STRN: variants seen among roughly 807,000 people sequenced by gnomAD.
STRN encodes the protein striatin.
In STRN, 53 loss-of-function variants were observed where a neutral mutation model predicts 96.3. The ratio of observed to expected loss-of-function variants is 0.55; its 90% CI spans 0.44 to 0.69. STRN has a LOEUF of 0.69. Among genes scored for constraint, STRN ranks in the 30% least tolerant of loss-of-function variants. The probability of loss-of-function intolerance (pLI) is 0.00; values close to 1 mark genes in which losing one functional copy is unlikely to be tolerated. For missense variants in STRN, 987 were observed against 963.9 expected (o/e 1.02, Z -0.32); for synonymous variants, 428 against 355.9 (o/e 1.20, Z -2.28).
intron 7 of STRN, among the ~76,000 whole-genome samples, chr2:36,891,015 G>T (rs533076465): frequency 4.1e-4 from 63 of 152,116 alleles, no homozygotes; most frequent in African/African-American, 1.4e-3. Context: ...AATTATTTTG[G>T]ATTTTGGAAT....
intron 1 of STRN, 79 bp downstream of exon 1, chr2:36,966,151 G>A: frequency 7.4e-7 from 1 of 1,358,296 alleles, no homozygotes; most frequent in Non-Finnish European, 9.5e-7. Context: ...AAGGCTGGGG[G>A]AGGGGGAGAA....
chr2:36,869,121 A>T (rs1275100055), intron 11 of STRN, among the ~76,000 whole-genome samples: 3 of 152,068 alleles, frequency 2.0e-5, no homozygotes, highest in African/African-American at 7.2e-5. Flanking sequence ...AAGACCCTCC[A>T]CCCATCCCAG....
chr2:36,948,352 G>C (rs778739218), intron 1 of STRN, among the ~76,000 whole-genome samples: 6 of 151,814 alleles, frequency 4.0e-5, no homozygotes, highest in African/African-American at 1.4e-4. Context: ...CGCCCGCCTC[G>C]GCCTCTCAAA....
chr2:36,873,016 T>G (rs938647555), intron 10 of STRN, among the ~76,000 whole-genome samples: 10 of 151,798 alleles, frequency 6.6e-5, no homozygotes, highest in Non-Finnish European at 1.5e-4. Flanking sequence ...TCTGACAGAT[T>G]TGAAGTGTCA....
At chr2:36,903,207 C>T (rs1348205346) in intron 4 of STRN, among the ~76,000 whole-genome samples, 1 of 152,038 alleles carries the variant, frequency 6.6e-6, no homozygotes, top group South Asian at 2.1e-4. Context: ...TCGAGTCACT[C>T]TACAGAATTG....
intron 3 of STRN, among the ~76,000 whole-genome samples, chr2:36,907,346 G>C (rs372914132): frequency 1.3e-5 from 2 of 152,166 alleles, no homozygotes; most frequent in Non-Finnish European, 2.9e-5. Flanking sequence ...TCAGGAGACA[G>C]ACACCAGCCT....
intron 13 of STRN, 94 bp downstream of exon 13, chr2:36,861,038 T>C: frequency 6.9e-7 from 1 of 1,453,218 alleles, no homozygotes; most frequent in Non-Finnish European, 9.2e-7. Flanking sequence ...CTATTTATTT[T>C]CAAAAATCTC....
At position 36,849,806 on chromosome 2, in the gene STRN, GA is replaced by G; in HGVS notation, c.2087-7del. 2 of 1,613,634 alleles carry G rather than the reference GA, an allele frequency of 1.2e-6. No homozygotes were observed. Among genetic ancestry groups the G allele is most frequent in the South Asian group, 1.1e-5 (1 of 91,044 alleles). On this transcript the variant is annotated splice_region_variant and splice_polypyrimidine_tract_variant and intron_variant, in intron 16 of 17. Transcript: ENST00000263918. The stretch of plus-strand genomic sequence containing the variant: ...CATCGAGTGGATCAGTTTGCCTTTG[GA>G]AAAAGAGATTGTTACTCCTTATTAA...
At chr2:36,886,579 G>A (rs1669233609) in intron 8 of STRN, 137 bp downstream of exon 8, 3 of 622,568 alleles carry the variant, frequency 4.8e-6, no homozygotes, top group Admixed American at 3.2e-5. Context: ...TTCAACCCCT[G>A]AGAGCAGGTG....
chr2:36,937,126 C>G (rs1338356985), intron 1 of STRN, among the ~76,000 whole-genome samples: 1 of 151,798 alleles, frequency 6.6e-6, no homozygotes, highest in Admixed American at 6.6e-5. Context: ...GGCAGATCAC[C>G]TGAGGTCGGG....
intron 12 of STRN, 31 bp downstream of exon 12, chr2:36,867,783 G>A (rs768969300): frequency 5.6e-5 from 78 of 1,401,736 alleles, no homozygotes; most frequent in African/African-American, 7.3e-5. Context: ...CAGAGATATC[G>A]GTTTAAAATA....
At chr2:36,909,561 G>C (rs779398122) in intron 3 of STRN, among the ~76,000 whole-genome samples, 1 of 152,068 alleles carries the variant, frequency 6.6e-6, no homozygotes. Flanking sequence ...GATTATCCCA[G>C]ACACCACCTA....
At chr2:36,930,597 G>A (rs1670547384) in intron 1 of STRN, among the ~76,000 whole-genome samples, 1 of 152,066 alleles carries the variant, frequency 6.6e-6, no homozygotes, top group Non-Finnish European at 1.5e-5. Flanking sequence ...TAAGTACCCA[G>A]GTGATAATGC....
At position 36,966,477 on chromosome 2, in the gene STRN, A is replaced by T. The variant is rs1665168958; in HGVS notation, c.-14T>A. On this transcript the variant is annotated 5_prime_UTR_variant, in exon 1 of 18. Transcript: ENST00000263918. ...CTGCTCGTCCATGGCGGCCGCAGATACCCGGGGAGCTGCCCCGGCGCCCAG... is the reference window on the plus strand; with the variant it reads ...CTGCTCGTCCATGGCGGCCGCAGATTCCCGGGGAGCTGCCCCGGCGCCCAG... The T allele has an allele frequency of 7.0e-7, 1 of 1,433,690 alleles. No homozygotes were observed. Among genetic ancestry groups the T allele is most frequent in the East Asian group, 3.1e-5 (1 of 32,432 alleles). The allele number at this position is 1,433,690 out of a possible 1,614,324, so 88.8% of individuals were successfully genotyped here. A position where few individuals can be genotyped will look rare whatever the true frequency, so the allele number is the denominator to read the frequency against.
intron 10 of STRN, among the ~76,000 whole-genome samples, chr2:36,870,525 T>C (rs1474423600): frequency 6.6e-6 from 1 of 152,178 alleles, no homozygotes; most frequent in Non-Finnish European, 1.5e-5. Context: ...CATAAAATTA[T>C]AATGAAGCTG....
intron 13 of STRN, among the ~76,000 whole-genome samples, chr2:36,858,706 T>G (rs2148134239): frequency 6.6e-6 from 1 of 152,346 alleles, no homozygotes; most frequent in South Asian, 2.1e-4. Context: ...TCACAAATGT[T>G]AAGTCTGGAA....
intron 1 of STRN, among the ~76,000 whole-genome samples, chr2:36,961,174 T>C (rs1665022116): frequency 7.3e-6 from 1 of 137,706 alleles, no homozygotes; most frequent in Non-Finnish European, 1.5e-5. Context: ...TCGCCCAGGC[T>C]GGAGTGCAGT....
In STRN at chr2:36,857,871, A is replaced by G. The variant is rs1432599127; in HGVS notation, c.1822T>C (p.Phe608Leu). The change falls in exon 14 of 18, where the codon TTT (phenylalanine) becomes CTT (leucine). Residue 608 changes from phenylalanine to leucine, a missense_variant. By Grantham distance (22) the Phe-to-Leu change is conservative (BLOSUM62 0). Coordinates refer to ENST00000263918, the MANE Select transcript of STRN (RefSeq NM_003162.4). ...AAGTATGTACCTTTAGTATCATTAA[A>G]TACACTTAGTGCTGGAGCAACCTCA... ...TTEVAPALSV[F>L]NDTKELGIPA... 6.2e-7 allele frequency: 1 copy of G among 1,613,926 alleles called. No homozygotes were observed. The highest frequency in any genetic ancestry group is 1.1e-5 in the South Asian group (1 of 91,046).
chr2:36,881,240 G>A (rs1309854703), intron 9 of STRN, among the ~76,000 whole-genome samples: 4 of 146,836 alleles, frequency 2.7e-5, no homozygotes, highest in South Asian at 2.2e-4. Flanking sequence ...TGATTCTCCT[G>A]CCTCAGCCTC....
Sources: allele counts gnomAD v4.1 joint callset (sites outside exome capture counted in the v4.1 genomes callset), GRCh38; gene constraint gnomAD v4.1.1; transcripts MANE v1.5; gene names NCBI Gene and HGNC (gene_info 2026-07-23, HGNC 2026-07-21).